The following ERICH1 variants were observed in gnomAD, a reference collection of about 807,000 sequenced individuals.
ERICH1 encodes the protein glutamate-rich protein 1.
In ERICH1, 56 loss-of-function variants were observed where a neutral mutation model predicts 39.6. That is an observed-to-expected ratio of 1.41 (90% CI 1.14 to 1.77). The LOEUF (loss-of-function observed/expected upper bound fraction) is 1.77. ERICH1 is among the 40% of genes most tolerant of loss of function. The pLI is 0.00. For missense variants in ERICH1, 826 were observed against 575.4 expected (o/e 1.44, Z -4.45); for synonymous variants, 313 against 223.6 (o/e 1.40, Z -3.57).
intron 3 of ERICH1, among the ~76,000 whole-genome samples, chr8:633,666 G>A (rs112599707): frequency 9.0e-4 from 137 of 152,256 alleles, no homozygotes; most frequent in African/African-American, 3.2e-3. Context: ...AAGCATCACC[G>A]TCCTGATATA....
chr8:698,032 A>C (rs1021976116), intron 2 of ERICH1, among the ~76,000 whole-genome samples: 2 of 152,108 alleles, frequency 1.3e-5, no homozygotes, highest in African/African-American at 4.8e-5. Context: ...TGTGACATGG[A>C]GCCCTCGGAC....
chr8:661,569 C>T (rs914375198), downstream of ERICH1, among the ~76,000 whole-genome samples: 8 of 152,200 alleles, frequency 5.3e-5, no homozygotes, highest in African/African-American at 1.7e-4. Flanking sequence ...AAATAAATTA[C>T]ATGAACTGAA....
intron 3 of ERICH1, among the ~76,000 whole-genome samples, chr8:651,953 G>C (rs1442523220): frequency 2.6e-5 from 4 of 152,186 alleles, no homozygotes; most frequent in African/African-American, 7.2e-5. Flanking sequence ...GGCAGGAATG[G>C]TGAAATTAGA....
chr8:707,965 T>A (rs1813693608), intron 2 of ERICH1, among the ~76,000 whole-genome samples: 1 of 152,014 alleles, frequency 6.6e-6, no homozygotes, highest in African/African-American at 2.4e-5. Flanking sequence ...GACAATCCAA[T>A]TAAAACTGGG....
rs577745022 is a variant in ERICH1, at chr8:687,753, G to A, written c.304+4725C>T. On this transcript the variant is annotated intron_variant, in intron 3 of 5. Transcript: ENST00000262109. ...CCGCCGCGCCCGGGGGAGCGCGCCA[G>A]GCCCGCGGGGCCCTAGCCGAGGCCG... Among the ~76,000 whole-genome samples, 1,351 of 152,218 alleles carry A rather than the reference G, an allele frequency of 8.9e-3. 8 individuals are homozygous for A. Among genetic ancestry groups the A allele is most frequent in the Non-Finnish European group, 0.011 (771 of 67,968 alleles).
At chr8:699,782 CACGCGCACAGACCCGCACACGCGCACAG>C (rs1811319805) in intron 2 of ERICH1, among the ~76,000 whole-genome samples, 4 of 100,464 alleles carry the variant, frequency 4.0e-5, no homozygotes, top group Non-Finnish European at 8.7e-5. Context: ...CAGACCCGCA[CACGCGCACAGACCCGCACACGCGCACAG>C]ATCCGCACAA....
At chr8:680,850 C>A (rs1585250557) in intron 3 of ERICH1, among the ~76,000 whole-genome samples, 2 of 152,340 alleles carry the variant, frequency 1.3e-5, no homozygotes, top group Non-Finnish European at 2.9e-5. Flanking sequence ...CACCACCTGG[C>A]CCCACTTCTG....
chr8:630,479 A>T (rs2117106624), intron 3 of ERICH1, among the ~76,000 whole-genome samples: 1 of 129,942 alleles, frequency 7.7e-6, no homozygotes, highest in Admixed American at 7.5e-5. Context: ...GACAGAGCTG[A>T]CACACACCCT....
At chr8:621,428 A>T (rs1033352035) in intron 3 of ERICH1, among the ~76,000 whole-genome samples, 2 of 152,130 alleles carry the variant, frequency 1.3e-5, no homozygotes, top group African/African-American at 4.8e-5. Flanking sequence ...ATAACCATTT[A>T]ACAAGGTATA....
intron 3 of ERICH1, among the ~76,000 whole-genome samples, chr8:649,472 T>A (rs1213054181): frequency 6.6e-6 from 1 of 152,174 alleles, no homozygotes; most frequent in African/African-American, 2.4e-5. Flanking sequence ...CACAGAGAAT[T>A]CCAGGGTGGG....
rs542776469 is a variant in ERICH1 at position 727,544 on chromosome 8, G to A, written c.22+3596C>T. ...CTGCTGCAGACCCCTTGGCCCTGGA[G>A]GATGCACCTGCAAGGGCGAGTGAAG... On this transcript the variant is annotated intron_variant, in intron 1 of 5. Transcript: ENST00000262109. Among the ~76,000 whole-genome samples, 9 of 152,348 alleles carry A rather than the reference G, an allele frequency of 5.9e-5. No homozygotes were observed. In the East Asian group the frequency reaches 1.5e-3, roughly 26 times the overall value.
In ERICH1 at chr8:616,449, A is replaced by G; in HGVS notation, c.977-1165T>C. 4.5e-6 allele frequency: 2 copies of G among 448,796 alleles called. 1 individual carries two copies. Among genetic ancestry groups the G allele is most frequent in the Non-Finnish European group, 9.0e-6 (2 of 223,430 alleles). The allele number at this position is 448,796 out of a possible 1,614,324, so 27.8% of individuals were successfully genotyped here. On this transcript the variant is annotated intron_variant, in intron 3 of 3. Transcript: ENST00000522706. ...CGCACACCCCATGCTCTCCTGGCTAAGCGGATTCAGCGCTGGCCAACAAAC... is the reference window on the plus strand; with the variant it reads ...CGCACACCCCATGCTCTCCTGGCTAGGCGGATTCAGCGCTGGCCAACAAAC...
intron 3 of ERICH1, among the ~76,000 whole-genome samples, chr8:679,200 C>A (rs1249723347): frequency 1.7e-5 from 2 of 120,676 alleles, no homozygotes; most frequent in African/African-American, 2.9e-5. Flanking sequence ...AAGCTCCAGT[C>A]CCTCTCAGCA....
chr8:711,195 T>C (rs1054837606), intron 2 of ERICH1, among the ~76,000 whole-genome samples: 2 of 152,190 alleles, frequency 1.3e-5, no homozygotes, highest in African/African-American at 2.4e-5. Flanking sequence ...TCTTATTAAG[T>C]TTTAAGAATT....
chr8:615,274 G>T (rs572893149), exon 4 of ERICH1: 1 of 694,640 alleles, frequency 1.4e-6, no homozygotes, highest in Non-Finnish European at 2.6e-6. Flanking sequence ...CTTTAAGTCT[G>T]CTTAGGACTC....
intron 1 of ERICH1, among the ~76,000 whole-genome samples, chr8:722,786 G>A (rs1185919464): frequency 6.6e-6 from 1 of 152,242 alleles, no homozygotes; most frequent in Non-Finnish European, 1.5e-5. Flanking sequence ...ATTTGGGAAT[G>A]TGAAGAATGA....
chr8:636,009 C>G (rs1423161496), intron 3 of ERICH1, among the ~76,000 whole-genome samples: 1 of 152,242 alleles, frequency 6.6e-6, no homozygotes, highest in Non-Finnish European at 1.5e-5. Flanking sequence ...CAAAGCTGCA[C>G]CTTGCCAGGG....
At chr8:659,032 G>A (rs1443489231) in intron 3 of ERICH1, among the ~76,000 whole-genome samples, 1 of 112,200 alleles carries the variant, frequency 8.9e-6, no homozygotes. Context: ...TGACCATCGA[G>A]ATCTCCGGTG....
At chr8:628,112 T>C (rs1797705494) in intron 3 of ERICH1, among the ~76,000 whole-genome samples, 1 of 152,190 alleles carries the variant, frequency 6.6e-6, no homozygotes, top group Admixed American at 6.5e-5. Context: ...GGAAAGCAGG[T>C]GCCATGAGGA....
Sources: gnomAD v4.1 joint callset for allele counts (sites outside exome capture counted in the v4.1 genomes callset) on GRCh38, gnomAD v4.1.1 for gene constraint, MANE v1.5 for transcripts, NCBI Gene and HGNC (gene_info 2026-07-23, HGNC 2026-07-21) for gene names.